The following ARHGEF11 variants were observed in gnomAD, a reference collection of about 807,000 sequenced individuals.
The protein encoded by ARHGEF11 is Rho guanine exchange factor (GEF) 11.
Under a neutral mutation model 193.7 loss-of-function variants are expected in ARHGEF11, and 55 were observed. That is an observed-to-expected ratio of 0.28 (90% CI 0.23 to 0.36). ARHGEF11 has a LOEUF of 0.36. Among genes scored for constraint, ARHGEF11 ranks in the 10% least tolerant of loss-of-function variants. ARHGEF11 has a pLI of 1.00. For missense variants in ARHGEF11, 1,723 were observed against 2,005.6 expected (o/e 0.86, Z 2.69); for synonymous variants, 693 against 768.0 (o/e 0.90, Z 1.62).
chr1:156,978,769 A>G lies in ARHGEF11; in HGVS notation c.332-387T>C, dbSNP rs772932093. ...GCCCTCTGCTCTCCCCAAACTTCCC[A>G]CATTCTTCAATTCTTTCTTCAACAT... On this transcript the variant is annotated intron_variant, in intron 5 of 40. Transcript: ENST00000368194. 7.0e-4 allele frequency among the ~76,000 whole-genome samples: 106 copies of G among 152,162 alleles called. 4 individuals are homozygous for G. The highest frequency in any genetic ancestry group is 2.1e-4 in the Non-Finnish European group (14 of 68,022).
At chr1:156,973,219 T>C (rs1202906702) in intron 7 of ARHGEF11, among the ~76,000 whole-genome samples, 2 of 152,232 alleles carry the variant, frequency 1.3e-5, no homozygotes, top group African/African-American at 2.4e-5. Context: ...TGAGCCACCA[T>C]GCCCAGCCCA....
At chr1:156,965,207 C>T (rs896143384) in intron 11 of ARHGEF11, among the ~76,000 whole-genome samples, 1 of 152,164 alleles carries the variant, frequency 6.6e-6, no homozygotes, top group East Asian at 1.9e-4. Context: ...AAAACAAGGG[C>T]TCCAACACTA....
At chr1:156,967,882 C>A in intron 11 of ARHGEF11, 105 bp downstream of exon 11, 1 of 1,533,616 alleles carries the variant, frequency 6.5e-7, no homozygotes, top group Non-Finnish European at 9.0e-7. Flanking sequence ...GTTGCTGAAG[C>A]AGGGGTTTAG....
intron 7 of ARHGEF11, among the ~76,000 whole-genome samples, chr1:156,975,758 G>A (rs2102358556): frequency 6.6e-6 from 1 of 152,204 alleles, no homozygotes; most frequent in East Asian, 1.9e-4. Context: ...ATGAGGTAAG[G>A]GTCCAAATTA....
intron 1 of ARHGEF11, among the ~76,000 whole-genome samples, chr1:157,041,362 A>C (rs913585987): frequency 1.3e-5 from 2 of 152,218 alleles, no homozygotes; most frequent in African/African-American, 4.8e-5. Flanking sequence ...TTTCAGTAAC[A>C]ACTGATTAAC....
chr1:156,994,601 A>T (rs1189947682), intron 1 of ARHGEF11, among the ~76,000 whole-genome samples: 1 of 152,218 alleles, frequency 6.6e-6, no homozygotes, highest in East Asian at 1.9e-4. Flanking sequence ...CAGAGCAGAC[A>T]ACTTGGCAGA....
At chr1:157,017,690 G>C (rs1345068592) in intron 1 of ARHGEF11, among the ~76,000 whole-genome samples, 1 of 122,088 alleles carries the variant, frequency 8.2e-6, no homozygotes, top group Non-Finnish European at 1.6e-5. Context: ...CTGGGCAACA[G>C]AGTGAGACTC....
At chr1:157,044,184 C>G (rs1380923357) in intron 1 of ARHGEF11, 115 bp downstream of exon 1, 7 of 973,250 alleles carry the variant, frequency 7.2e-6, no homozygotes, top group Non-Finnish European at 1.2e-5. Flanking sequence ...CCTAGCCCAC[C>G]AATTCCCATA....
chr1:157,026,014 T>C (rs539233665), intron 1 of ARHGEF11, among the ~76,000 whole-genome samples: 2 of 152,370 alleles, frequency 1.3e-5, no homozygotes, highest in African/African-American at 4.8e-5. Context: ...GTTTATGTCC[T>C]GGTTCTTGCA....
At chr1:157,007,286 A>G (rs1403378436) in intron 1 of ARHGEF11, among the ~76,000 whole-genome samples, 1 of 152,218 alleles carries the variant, frequency 6.6e-6, no homozygotes, top group African/African-American at 2.4e-5. Flanking sequence ...ATAGATGGTT[A>G]TATGGAAAGA....
Position 156,999,794 on chromosome 1 carries a change from A to C in ARHGEF11, c.33-13621T>G, listed in dbSNP as rs568657368. On this transcript the variant is annotated intron_variant, in intron 1 of 40. Transcript: ENST00000368194. Reference sequence around the variant, plus strand: ...CGAAGGGAAAGGCCTCCATCTGTGGAATGAGGTTTCCTCCTCACCACATCG... The same window carrying C: ...CGAAGGGAAAGGCCTCCATCTGTGGCATGAGGTTTCCTCCTCACCACATCG... Among the ~76,000 whole-genome samples, 142 of 152,308 alleles carry C rather than the reference A, an allele frequency of 9.3e-4. 1 individual carries two copies. Among genetic ancestry groups the C allele is most frequent in the African/African-American group, 3.4e-3 (140 of 41,582 alleles).
chr1:157,029,921 T>C (rs1030441185), intron 1 of ARHGEF11, among the ~76,000 whole-genome samples: 1 of 152,080 alleles, frequency 6.6e-6, no homozygotes, highest in African/African-American at 2.4e-5. Flanking sequence ...TTATTACATC[T>C]ACATGAAATG....
At chr1:157,005,082 C>T (rs1454602085) in intron 1 of ARHGEF11, among the ~76,000 whole-genome samples, 1 of 152,172 alleles carries the variant, frequency 6.6e-6, no homozygotes, top group Non-Finnish European at 1.5e-5. Flanking sequence ...ATATGCTGCT[C>T]TTCTATTCTG....
chr1:156,967,289 GATGTC>G (rs1661800045), intron 11 of ARHGEF11, among the ~76,000 whole-genome samples: 1 of 152,204 alleles, frequency 6.6e-6, no homozygotes, highest in Non-Finnish European at 1.5e-5. Context: ...TGAATATTTA[GATGTC>G]TAACAACGTC....
At chr1:156,963,733 C>A (rs1194426167) in intron 11 of ARHGEF11, 139 bp from the exon 12 acceptor site, 17 of 1,467,412 alleles carry the variant, frequency 1.2e-5, no homozygotes, top group Non-Finnish European at 1.4e-5. Flanking sequence ...CTCACTCCCG[C>A]CCCCAAAATC....
intron 3 of ARHGEF11, among the ~76,000 whole-genome samples, chr1:156,983,056 G>A (rs1664413385): frequency 6.6e-6 from 1 of 152,082 alleles, no homozygotes; most frequent in Non-Finnish European, 1.5e-5. Context: ...TGCACTATCA[G>A]GAAACCTGCT....
chr1:156,951,039 C>A (rs1445466780), intron 22 of ARHGEF11, among the ~76,000 whole-genome samples: 2 of 152,180 alleles, frequency 1.3e-5, no homozygotes, highest in African/African-American at 4.8e-5. Context: ...AAAAACAGTC[C>A]ATTTGTAATC....
chr1:157,038,573 A>G (rs1258784752), intron 1 of ARHGEF11, among the ~76,000 whole-genome samples: 1 of 152,200 alleles, frequency 6.6e-6, no homozygotes, highest in Non-Finnish European at 1.5e-5. Context: ...AAAATGGGAG[A>G]GGCCTTCAAC....
chr1:156,942,074 GC>G, intron 33 of ARHGEF11, 85 bp from the exon 34 acceptor site: 2 of 1,599,764 alleles, frequency 1.3e-6, no homozygotes, highest in Non-Finnish European at 1.7e-6. Context: ...CTGGAACAGG[GC>G]TTCCAGGCCC....
Sources: gnomAD v4.1 joint callset for allele counts (sites outside exome capture counted in the v4.1 genomes callset) on GRCh38, gnomAD v4.1.1 for gene constraint, MANE v1.5 for transcripts, NCBI Gene and HGNC (gene_info 2026-07-23, HGNC 2026-07-21) for gene names.